The following ATF7IP variants were observed in gnomAD, a reference collection of about 807,000 sequenced individuals.
The protein encoded by ATF7IP is activating transcription factor 7 interacting protein.
In ATF7IP, 23 loss-of-function variants were observed where a neutral mutation model predicts 106.4. The ratio of observed to expected loss-of-function variants is 0.22; its 90% CI spans 0.16 to 0.31. ATF7IP has a LOEUF of 0.31. Ranked by LOEUF, ATF7IP falls within the 10% of genes least tolerant of loss-of-function variation. The pLI, the probability that ATF7IP is intolerant of heterozygous loss-of-function variation, is 1.00. For synonymous variants in ATF7IP, 542 were observed against 539.0 expected, an observed-to-expected ratio of 1.01 and a Z score of -0.08; for missense variants, 1,334 against 1,524.3, an observed-to-expected ratio of 0.88 and a Z score of 2.08.
chr12:14,375,759 C>T (rs1372864310), intron 1 of ATF7IP, among the ~76,000 whole-genome samples: 4 of 152,162 alleles, frequency 2.6e-5, no homozygotes, highest in Admixed American at 1.3e-4. Flanking sequence ...AAATGCTTAG[C>T]ATCTGTGCCT....
At chr12:14,372,145 G>A (rs1029789319) in intron 1 of ATF7IP, among the ~76,000 whole-genome samples, 1 of 152,120 alleles carries the variant, frequency 6.6e-6, no homozygotes, top group Non-Finnish European at 1.5e-5. Context: ...GAGGCCAAGA[G>A]TATTTAAACA....
At chr12:14,381,767 A>G (rs1032653283) in intron 1 of ATF7IP, among the ~76,000 whole-genome samples, 3 of 151,920 alleles carry the variant, frequency 2.0e-5, no homozygotes, top group African/African-American at 4.8e-5. Context: ...TACAGTGAAA[A>G]TTTTTCTTTA....
chr12:14,467,707 A>G (rs1943885436), intron 10 of ATF7IP, among the ~76,000 whole-genome samples: 1 of 152,084 alleles, frequency 6.6e-6, no homozygotes, highest in South Asian at 2.1e-4. Flanking sequence ...TTTTCAAGGA[A>G]AGGAAAATGG....
In ATF7IP at chr12:14,460,638, C is replaced by T; in HGVS notation, c.2302C>T (p.Pro768Ser). 6.2e-7 allele frequency: 1 copy of T among 1,614,150 alleles called. No homozygotes were observed. The highest frequency in any genetic ancestry group is 8.5e-7 in the Non-Finnish European group (1 of 1,180,004). ...TACTGTAGTTGCTACTACTCAGGTG[C>T]CTAGTGGAAATCCCCAGCCTACAAT... ...TATVVATTQV[P>S]SGNPQPTISL... The change falls in exon 9 of 15, where the codon CCT (proline) becomes TCT (serine). Residue 768 changes from proline (P) to serine (S), a missense_variant. Physicochemically the swap from Pro to Ser is moderately conservative, Grantham distance 74. Transcript: ENST00000261168.
intron 2 of ATF7IP, among the ~76,000 whole-genome samples, chr12:14,432,879 A>G (rs1389856819): frequency 1.3e-5 from 2 of 152,236 alleles, no homozygotes; most frequent in South Asian, 2.1e-4. Flanking sequence ...TAGAAGTCAA[A>G]CATCTTAATG....
chr12:14,436,133 A>T lies in ATF7IP; in HGVS notation c.1673A>T (p.Lys558Ile). 6.2e-7 allele frequency: 1 copy of T among 1,613,240 alleles called. No individual in the cohort carries two copies. ...KNEFSRRKRS[K>I]SEDMDNVQSK... Reference sequence around the variant, plus strand: ...GAATTTTCTAGACGAAAACGTTCTAAATCAGAAGACATGGACAATGTACAG... The same window carrying T: ...GAATTTTCTAGACGAAAACGTTCTATATCAGAAGACATGGACAATGTACAG... Residue 558 changes from lysine to isoleucine, a missense_variant, in exon 4 of 15, where the codon AAA becomes ATA. By Grantham distance (102) the Lys-to-Ile change is moderately radical. Transcript: ENST00000261168.
At chr12:14,487,667 G>C (rs1944668444) in intron 13 of ATF7IP, among the ~76,000 whole-genome samples, 1 of 152,170 alleles carries the variant, frequency 6.6e-6, no homozygotes. Context: ...CCAATTGTAT[G>C]ATAAGAGCTT....
At chr12:14,420,267 A>T (rs1483643034) in intron 1 of ATF7IP, 1 of 152,280 alleles carries the variant, frequency 6.6e-6, no homozygotes, top group East Asian at 1.9e-4. Flanking sequence ...GGGCACTTCT[A>T]TTCTTGGGTA....
chr12:14,438,736 A>C (rs1375881160), intron 5 of ATF7IP, among the ~76,000 whole-genome samples: 6 of 152,154 alleles, frequency 3.9e-5, no homozygotes. Flanking sequence ...ACATGACTTC[A>C]TCTTAACTAA....
intron 5 of ATF7IP, among the ~76,000 whole-genome samples, chr12:14,442,138 A>G (rs1409010363): frequency 6.6e-6 from 1 of 151,970 alleles, no homozygotes; most frequent in Non-Finnish European, 1.5e-5. Flanking sequence ...TTCCTGGTAT[A>G]TCATTTTGAT....
At chr12:14,394,976 A>G (rs1939757979) in intron 1 of ATF7IP, 1 of 152,132 alleles carries the variant, frequency 6.6e-6, no homozygotes, top group Non-Finnish European at 1.5e-5. Flanking sequence ...AGCTTCATTG[A>G]CATATTGTCT....
intron 9 of ATF7IP, among the ~76,000 whole-genome samples, chr12:14,461,672 T>C (rs1943642449): frequency 6.6e-6 from 1 of 152,172 alleles, no homozygotes; most frequent in Non-Finnish European, 1.5e-5. Flanking sequence ...ACATATTATA[T>C]GATTGTTTGT....
intron 6 of ATF7IP, 35 bp downstream of exon 6, chr12:14,447,088 A>G (rs1170219513): frequency 1.4e-6 from 2 of 1,467,492 alleles, no homozygotes; most frequent in Non-Finnish European, 1.9e-6. Flanking sequence ...ATTAATATTT[A>G]GCACTAAGTG....
rs1291732491 is a variant in ATF7IP, at chr12:14,479,194, C to T, written c.3097+722C>T. 3.3e-5 allele frequency among the ~76,000 whole-genome samples: 5 copies of T among 152,290 alleles called. No homozygotes were observed. In the East Asian group the frequency reaches 7.7e-4, roughly 23 times the overall value. Reference sequence around the variant, plus strand: ...TAAATGGCAGAAATGACTGTAGTTTCTCTGGAAGGGATGGATATGACTTAT... The same window carrying T: ...TAAATGGCAGAAATGACTGTAGTTTTTCTGGAAGGGATGGATATGACTTAT... On this transcript the variant is annotated intron_variant, in intron 12 of 14. Coordinates refer to ENST00000261168, the MANE Select transcript of ATF7IP (RefSeq NM_018179.5).
chr12:14,490,744 G>A (rs543262764), intron 13 of ATF7IP, among the ~76,000 whole-genome samples: 3 of 152,238 alleles, frequency 2.0e-5, no homozygotes, highest in East Asian at 3.9e-4. Context: ...GGGGAGACAC[G>A]GGCATTTGAG....
chr12:14,399,276 C>T (rs1940050339), intron 1 of ATF7IP, among the ~76,000 whole-genome samples: 1 of 152,060 alleles, frequency 6.6e-6, no homozygotes, highest in Non-Finnish European at 1.5e-5. Context: ...TTGCTGACTG[C>T]TAGCTTTGCT....
At chr12:14,403,569 A>C (rs1367340671) in intron 1 of ATF7IP, among the ~76,000 whole-genome samples, 1 of 152,188 alleles carries the variant, frequency 6.6e-6, no homozygotes, top group Non-Finnish European at 1.5e-5. Flanking sequence ...TCTGTTTACC[A>C]GTCAAATGGC....
At chr12:14,459,829 A>T (rs953618312) in intron 8 of ATF7IP, among the ~76,000 whole-genome samples, 1 of 152,174 alleles carries the variant, frequency 6.6e-6, no homozygotes, top group African/African-American at 2.4e-5. Context: ...AGTGACCAGC[A>T]TTTGTATTTT....
chr12:14,473,286 CTCTCTGTGTGTG>C (rs1944126198), intron 10 of ATF7IP, among the ~76,000 whole-genome samples: 6 of 53,728 alleles, frequency 1.1e-4, no homozygotes, highest in African/African-American at 7.1e-4. Flanking sequence ...CTCTCTCTCT[CTCTCTGTGTGTG>C]TGTGTGTGTG....
Sources: allele counts gnomAD v4.1 joint callset (sites outside exome capture counted in the v4.1 genomes callset), GRCh38; gene constraint gnomAD v4.1.1; transcripts MANE v1.5; gene names NCBI Gene and HGNC (gene_info 2026-07-23, HGNC 2026-07-21).